Variants in GSDME observed in about 807,000 individuals in gnomAD.
GSDME encodes gasdermin E, also known as gasdermin-E.
GSDME carries 44 observed loss-of-function variants against 47.5 expected under a neutral mutation model. That is an observed-to-expected ratio of 0.93 (90% CI 0.73 to 1.19). The LOEUF (loss-of-function observed/expected upper bound fraction) is 1.19, where lower values mean the gene tolerates loss of function less well. Among genes scored for constraint, GSDME ranks in the 50% most tolerant of loss-of-function variants. GSDME has a pLI of 0.00. For missense variants in GSDME, 663 were observed against 604.2 expected (o/e 1.10, Z -1.02); for synonymous variants, 258 against 252.8 (o/e 1.02, Z -0.20).
intron 5 of GSDME, among the ~76,000 whole-genome samples, chr7:24,713,195 C>T (rs1789422727): frequency 2.0e-5 from 3 of 152,086 alleles, no homozygotes; most frequent in Admixed American, 2.0e-4. Flanking sequence ...ATGGAAAGGC[C>T]ATTCATCCAG....
the GSDME span, among the ~76,000 whole-genome samples, chr7:24,773,083 A>G: frequency 5.3e-5 from 8 of 152,346 alleles, no homozygotes; most frequent in Admixed American, 5.2e-4. The surrounding 1 kb of genome is among the most constrained non-coding windows in gnomAD (Gnocchi z 5.4). Flanking sequence ...CCAAAACTCA[A>G]AAACAGGTAA....
chr7:24,787,893 G>C, the GSDME span, among the ~76,000 whole-genome samples: 12,992 of 152,152 alleles, frequency 0.085, 758 homozygotes, highest in Non-Finnish European at 0.13. This position sits in a 1 kb window ranked among gnomAD's most constrained non-coding sequence, Gnocchi z 5.0. Flanking sequence ...TTTTAGTAGA[G>C]ACGGGGTTTC....
chr7:24,782,494 C>T, the GSDME span, among the ~76,000 whole-genome samples: 1 of 152,058 alleles, frequency 6.6e-6, no homozygotes, highest in Admixed American at 6.5e-5. Flanking sequence ...GGTTCCAAGT[C>T]TTTGCTATTG....
intron 1 of GSDME, among the ~76,000 whole-genome samples, chr7:24,750,385 G>C (rs1790816970): frequency 6.6e-6 from 1 of 152,236 alleles, no homozygotes; most frequent in Admixed American, 6.5e-5. Flanking sequence ...GGGAGGCCAA[G>C]GTGGGAGGAT....
the GSDME span, among the ~76,000 whole-genome samples, chr7:24,782,877 G>A: frequency 1.3e-5 from 2 of 152,204 alleles, no homozygotes; most frequent in Admixed American, 6.5e-5. Flanking sequence ...TTTGAGAAGT[G>A]TCTGTTCATA....
intron 6 of GSDME, 134 bp downstream of exon 6, chr7:24,710,090 C>G (rs540120798): frequency 3.0e-6 from 3 of 1,001,582 alleles, no homozygotes; most frequent in Non-Finnish European, 4.7e-6. Context: ...TGGGCCTCGG[C>G]GGCATCACCT....
intron 3 of GSDME, among the ~76,000 whole-genome samples, chr7:24,743,783 A>G (rs942143250): frequency 1.3e-5 from 2 of 152,186 alleles, no homozygotes; most frequent in African/African-American, 4.8e-5. Context: ...CAGCTTCTCC[A>G]TAACACCTTC....
chr7:24,778,293 C>T, the GSDME span, among the ~76,000 whole-genome samples: 1 of 151,876 alleles, frequency 6.6e-6, no homozygotes, highest in Non-Finnish European at 1.5e-5. This position sits in a 1 kb window ranked among gnomAD's most constrained non-coding sequence, Gnocchi z 5.6. Flanking sequence ...ATGGATAGAC[C>T]AGACACTGGG....
chr7:24,728,319 C>T lies in GSDME; in HGVS notation c.405-9101G>A, dbSNP rs552031825. Among the ~76,000 whole-genome samples the T allele has an allele frequency of 2.4e-4, 36 of 152,316 alleles. 1 individual carries two copies. The highest frequency in any genetic ancestry group is 1.4e-3 in the South Asian group (7 of 4,830). ...CTGCCACAGGGGCCCACAGAGCCAC[C>T]GAACTGACCTTCTGCCGTTAACCAT... is the stretch of plus-strand genomic sequence containing the variant. On this transcript the variant is annotated intron_variant, in intron 3 of 9. Transcript: ENST00000645220. The surrounding 1 kb of genome is among the most constrained non-coding windows in gnomAD (Gnocchi z 7.2).
At chr7:24,777,017 A>G in the GSDME span, among the ~76,000 whole-genome samples, 2 of 152,124 alleles carry the variant, frequency 1.3e-5, no homozygotes, top group Non-Finnish European at 2.9e-5. Flanking sequence ...TATAATTGTT[A>G]TATTCACTGT....
chr7:24,755,048 T>G (rs1444408153), intron 1 of GSDME, among the ~76,000 whole-genome samples: 2 of 152,214 alleles, frequency 1.3e-5, no homozygotes, highest in African/African-American at 2.4e-5. Context: ...GTAGGCAGTG[T>G]GAGGAAGCTG....
chr7:24,732,956 A>G lies in GSDME; in HGVS notation c.404+11606T>C, dbSNP rs1790192746. On this transcript the variant is annotated intron_variant, in intron 3 of 9. Coordinates refer to ENST00000645220, the MANE Select transcript of GSDME (RefSeq NM_001127453.2). This position sits in a 1 kb window ranked among gnomAD's most constrained non-coding sequence, Gnocchi z 4.8. ...CACCAGCCAGGGTGGCTAAGGGAGT[A>G]CTGGATCTAACCCTCCCCCAACTCC... Among the ~76,000 whole-genome samples, 1 of 152,084 alleles carries G rather than the reference A, an allele frequency of 6.6e-6. No homozygotes were observed. Among genetic ancestry groups the G allele is most frequent in the Non-Finnish European group, 1.5e-5 (1 of 68,002 alleles).
At position 24,719,196 on chromosome 7, in the gene GSDME, C is replaced by T. The variant is rs541450984; in HGVS notation, c.427G>A (p.Val143Met). The change falls in exon 4 of 10, where the codon GTG becomes ATG. Residue 143 changes from valine (V) to methionine (M), a missense_variant. Val to Met is a conservative substitution (Grantham distance 21). Coordinates refer to ENST00000645220, the MANE Select transcript of GSDME (RefSeq NM_001127453.2). ...AERTINLRNP[V>M]LQQVLEGRNE... Reference sequence around the variant, plus strand: ...CTTCCTTCCAGCACCTGCTGGAGCACAGGGTTTCTCAGATTTATTGTTCTG... The same window carrying T: ...CTTCCTTCCAGCACCTGCTGGAGCATAGGGTTTCTCAGATTTATTGTTCTG... 24 of 1,612,802 alleles carry T rather than the reference C, an allele frequency of 1.5e-5. No homozygotes were observed. In the South Asian group the frequency reaches 2.5e-4, roughly 17 times the overall value.
rs1420984721 is a variant in GSDME, at chr7:24,699,253, C to T, written c.1264G>A (p.Ala422Thr). The T allele has an allele frequency of 3.1e-6, 5 of 1,608,714 alleles. No homozygotes were observed. The highest frequency in any genetic ancestry group is 4.3e-6 in the Non-Finnish European group (5 of 1,175,184). ...IIPTLCHLLR[A>T]LSDDGVSDLE... ...TCAGATACTCCATCATCAGACAGAG[C>T]ACGAAGCTGAAATGACACATTTAAA... The change falls in exon 10 of 10, where the codon GCT becomes ACT. Residue 422 changes from alanine to threonine, a missense_variant. By Grantham distance (58) the Ala-to-Thr change is moderately conservative (BLOSUM62 0). Coordinates refer to ENST00000645220, the MANE Select transcript of GSDME (RefSeq NM_001127453.2).
rs951115022 is a variant in GSDME at position 24,745,823 on chromosome 7, A to G, written c.212-1069T>C. The stretch of plus-strand genomic sequence containing the variant: ...CACTGCACGCCAGCCTGGGTGACAG[A>G]GCAACACCTTATCTCTAAGAAAATA... On this transcript the variant is annotated intron_variant, in intron 2 of 9. Coordinates refer to ENST00000645220, the MANE Select transcript of GSDME (RefSeq NM_001127453.2). The surrounding 1 kb of genome is among the most constrained non-coding windows in gnomAD (Gnocchi z 4.4). Among the ~76,000 whole-genome samples the G allele has an allele frequency of 6.6e-6, 1 of 152,214 alleles. No individual in the cohort carries two copies. The highest frequency in any genetic ancestry group is 2.4e-5 in the African/African-American group (1 of 41,452).
Position 24,733,533 on chromosome 7 carries a change from C to T in GSDME, c.404+11029G>A, listed in dbSNP as rs1320555479. Among the ~76,000 whole-genome samples the T allele has an allele frequency of 1.3e-5, 2 of 152,080 alleles. No individual in the cohort carries two copies. The highest frequency in any genetic ancestry group is 2.9e-5 in the Non-Finnish European group (2 of 68,020). On this transcript the variant is annotated intron_variant, in intron 3 of 9. Transcript: ENST00000645220. The surrounding 1 kb of genome is among the most constrained non-coding windows in gnomAD (Gnocchi z 4.3). ...ATGGCATTTCTGGACCTACCCAGGCCCACAGGGGACCCCACTGCCCTGAAG... is the reference window on the plus strand; with the variant it reads ...ATGGCATTTCTGGACCTACCCAGGCTCACAGGGGACCCCACTGCCCTGAAG...
chr7:24,713,591 C>T (rs1205133937), intron 5 of GSDME, among the ~76,000 whole-genome samples: 1 of 152,166 alleles, frequency 6.6e-6, no homozygotes, highest in Non-Finnish European at 1.5e-5. Flanking sequence ...ATGCCCCAGA[C>T]CTCAGTGAGA....
the GSDME span, among the ~76,000 whole-genome samples, chr7:24,787,373 C>A: frequency 6.6e-6 from 1 of 151,566 alleles, no homozygotes; most frequent in African/African-American, 2.4e-5. The surrounding 1 kb of genome is among the most constrained non-coding windows in gnomAD (Gnocchi z 5.0). Flanking sequence ...TTTTGAGGTC[C>A]TAGAATAATC....
At chr7:24,760,241 A>G (rs1017017122), upstream of GSDME, among the ~76,000 whole-genome samples, 10 of 152,254 alleles carry the variant, frequency 6.6e-5, no homozygotes, top group Non-Finnish European at 1.5e-4. The surrounding 1 kb of genome is among the most constrained non-coding windows in gnomAD (Gnocchi z 4.2). Context: ...CGCAAAGGGC[A>G]GCAAAAGTCA....
Sources: gnomAD v4.1 joint callset for allele counts (sites outside exome capture counted in the v4.1 genomes callset) on GRCh38, gnomAD v4.1.1 for gene constraint, Gnocchi (gnomAD v3.1) non-coding constraint, MANE v1.5 for transcripts, NCBI Gene and HGNC (gene_info 2026-07-23, HGNC 2026-07-21) for gene names.